Variants in RIPOR2 observed in about 807,000 individuals in gnomAD.
The protein encoded by RIPOR2 is RHO family interacting cell polarization regulator 2.
RIPOR2 carries 39 observed loss-of-function variants against 114.5 expected under a neutral mutation model. That is an observed-to-expected ratio of 0.34 (90% confidence interval 0.26 to 0.44). The LOEUF (loss-of-function observed/expected upper bound fraction) is 0.44. Among genes scored for constraint, RIPOR2 ranks in the 20% least tolerant of loss-of-function variants. The probability of loss-of-function intolerance (pLI) is 1.00; values close to 1 mark genes in which losing one functional copy is unlikely to be tolerated. For synonymous variants in RIPOR2, 445 were observed against 484.4 expected (o/e 0.92, Z 1.07); for missense variants, 1,007 against 1,255.1 (o/e 0.80, Z 2.99).
At chr6:24,879,323 C>A (rs191541725) in intron 1 of RIPOR2, among the ~76,000 whole-genome samples, 20 of 152,172 alleles carry the variant, frequency 1.3e-4, no homozygotes, top group African/African-American at 4.8e-4. Context: ...TCCAGCCTGG[C>A]GAGAGTGGGG....
chr6:24,933,312 T>A (rs1255924512), intron 1 of RIPOR2, among the ~76,000 whole-genome samples: 1 of 152,228 alleles, frequency 6.6e-6, no homozygotes, highest in Non-Finnish European at 1.5e-5. Context: ...CACAGCCATA[T>A]GAGGTTTGGA....
chr6:24,861,922 T>C (rs547993188), intron 7 of RIPOR2, among the ~76,000 whole-genome samples: 2 of 152,302 alleles, frequency 1.3e-5, no homozygotes, highest in African/African-American at 2.4e-5. Context: ...TCTTAAAAAT[T>C]TGGGGCCAAA....
chr6:24,888,222 T>G lies in RIPOR2; in HGVS notation c.62-12405A>C, dbSNP rs145952679. The stretch of plus-strand genomic sequence containing the variant: ...GAGAGAAAAATACACCGACCAGGGA[T>G]CCTCAATTTTTGATCACCAGGTTAA... On this transcript the variant is annotated intron_variant, in intron 1 of 21. Coordinates refer to ENST00000643898, the MANE Select transcript of RIPOR2 (RefSeq NM_001286445.3). Among the ~76,000 whole-genome samples, 478 of 152,248 alleles carry G rather than the reference T, an allele frequency of 3.1e-3. 2 individuals are homozygous for G. The highest frequency in any genetic ancestry group is 6.8e-3 in the Middle Eastern group (2 of 294).
rs1359649010 is a variant in RIPOR2 at position 24,828,406 on chromosome 6, G to A, written c.2507-111C>T. On this transcript the variant is annotated intron_variant, in intron 17 of 21. Transcript: ENST00000643898. ...TATTTTAGAGACAGGGTCTCACTTT[G>A]TTGCCCAGGTTGGTCTCAAACTCCT... The A allele has an allele frequency of 1.1e-5, 11 of 1,008,536 alleles. No individual in the cohort carries two copies. The African/African-American group carries it at 1.9e-4, about 17-fold the overall frequency. 62.5% of individuals were successfully genotyped at this position (1,008,536 alleles called of 1,614,324 possible).
At chr6:24,869,015 A>G (rs531432675) in intron 6 of RIPOR2, 79 bp downstream of exon 6, 1 of 781,700 alleles carries the variant, frequency 1.3e-6, no homozygotes, top group Non-Finnish European at 2.1e-6. Context: ...CACGCACTAG[A>G]TACTACGCTC....
At chr6:24,895,985 C>T (rs1430046680) in intron 1 of RIPOR2, among the ~76,000 whole-genome samples, 1 of 151,790 alleles carries the variant, frequency 6.6e-6, no homozygotes, top group East Asian at 1.9e-4. Flanking sequence ...AGCGAGACTC[C>T]GTCTCAAAAA....
upstream of RIPOR2, among the ~76,000 whole-genome samples, chr6:24,940,862 C>G (rs928092069): frequency 2.0e-5 from 3 of 152,164 alleles, no homozygotes; most frequent in Non-Finnish European, 4.4e-5. Context: ...CCATGTTGGT[C>G]AGGCTGATTT....
At chr6:24,834,442 C>A (rs969092823) in intron 15 of RIPOR2, among the ~76,000 whole-genome samples, 3 of 152,086 alleles carry the variant, frequency 2.0e-5, no homozygotes, top group Non-Finnish European at 4.4e-5. Context: ...CCTTCTGCAC[C>A]CTTCCTGCTT....
chr6:25,022,294 C>T lies in RIPOR2; in HGVS notation c.76+19557G>A, dbSNP rs939566316. ...TTCTGTCCTAATAGTTTTGTCTTTT[C>T]CAGACTGTCTTATGAGTGGTATCAT... On this transcript the variant is annotated intron_variant, in intron 1 of 13. Transcript: ENST00000510784. Among the ~76,000 whole-genome samples the T allele has an allele frequency of 7.9e-5, 12 of 152,222 alleles. No homozygotes were observed. In the East Asian group the frequency reaches 2.3e-3, roughly 29 times the overall value.
Position 24,843,435 on chromosome 6 carries a change from G to C in RIPOR2, c.1284C>G (p.Gly428=). The C allele has an allele frequency of 6.2e-7, 1 of 1,612,700 alleles. No homozygotes were observed. The highest frequency in any genetic ancestry group is 8.5e-7 in the Non-Finnish European group (1 of 1,178,784). Residue 428 remains glycine (G), a synonymous_variant, in exon 13 of 22, where the codon GGC becomes GGG. Transcript: ENST00000643898. ...GDCALTSHST[G]SPSNSTNPEI... ...CTGGATTTGTTGAGTTGGAAGGGGA[G>C]CCTGTTGAGTGGGAGGTGAGGGCGC... is the stretch of plus-strand genomic sequence containing the variant.
At chr6:25,015,266 A>G (rs1775915951) in intron 1 of RIPOR2, 1 of 152,216 alleles carries the variant, frequency 6.6e-6, no homozygotes, top group African/African-American at 2.4e-5. Flanking sequence ...CAGGAGGGAA[A>G]ATTGTCTGGC....
chr6:24,998,377 G>A (rs1382259643), intron 1 of RIPOR2, among the ~76,000 whole-genome samples: 2 of 152,098 alleles, frequency 1.3e-5, no homozygotes, highest in African/African-American at 4.8e-5. Context: ...ATTTACAAAT[G>A]TATTTCTCAT....
At chr6:24,886,475 C>T (rs1266919881) in intron 1 of RIPOR2, among the ~76,000 whole-genome samples, 1 of 152,180 alleles carries the variant, frequency 6.6e-6, no homozygotes, top group Non-Finnish European at 1.5e-5. Context: ...ATCAGATGCT[C>T]CCTGTTTTGT....
chr6:25,005,738 T>TATACACACAC (rs1554130560), intron 1 of RIPOR2, among the ~76,000 whole-genome samples: 3 of 70,700 alleles, frequency 4.2e-5, no homozygotes, highest in Admixed American at 1.6e-4. Flanking sequence ...TATATATATA[T>TATACACACAC]ATACATTTAC....
chr6:25,010,287 CTGGTTG>C (rs1775723600), intron 1 of RIPOR2, among the ~76,000 whole-genome samples: 1 of 152,060 alleles, frequency 6.6e-6, no homozygotes, highest in Non-Finnish European at 1.5e-5. Flanking sequence ...CCCACCAGAG[CTGGTTG>C]TTAGAAAGAG....
At chr6:24,902,390 T>C (rs1267755834) in intron 1 of RIPOR2, among the ~76,000 whole-genome samples, 1 of 152,072 alleles carries the variant, frequency 6.6e-6, no homozygotes, top group African/African-American at 2.4e-5. Context: ...AATTTGTTTG[T>C]ATTTTTAGTA....
intron 1 of RIPOR2, among the ~76,000 whole-genome samples, chr6:25,014,261 T>C (rs1775883371): frequency 6.6e-6 from 1 of 152,202 alleles, no homozygotes. Context: ...AATCCTAATG[T>C]AGTTAATTTT....
chr6:24,953,806 G>T (rs1304461739), intron 1 of RIPOR2, among the ~76,000 whole-genome samples: 1 of 152,210 alleles, frequency 6.6e-6, no homozygotes, highest in African/African-American at 2.4e-5. Flanking sequence ...TCATACATCT[G>T]CATGACTGTC....
At chr6:25,021,236 G>C (rs1399314751) in intron 1 of RIPOR2, among the ~76,000 whole-genome samples, 5 of 152,150 alleles carry the variant, frequency 3.3e-5, no homozygotes, top group African/African-American at 7.2e-5. Context: ...CTGAGATGAG[G>C]AGGAGGCAGA....
Sources: allele counts gnomAD v4.1 joint callset (sites outside exome capture counted in the v4.1 genomes callset), GRCh38; gene constraint gnomAD v4.1.1; transcripts MANE v1.5; gene names NCBI Gene and HGNC (gene_info 2026-07-23, HGNC 2026-07-21).